Variants in PCBP2 observed in about 807,000 individuals in gnomAD.
PCBP2 encodes poly(rC)-binding protein 2.
In PCBP2, 4 loss-of-function variants were observed where a neutral mutation model predicts 50.1. The observed-to-expected ratio is 0.08, with a 90% CI of 0.04 to 0.18. PCBP2 has a LOEUF of 0.18. Among genes scored for constraint, PCBP2 ranks in the 10% least tolerant of loss-of-function variants. PCBP2 has a pLI of 1.00. For synonymous variants in PCBP2, 179 were observed against 168.0 expected (o/e 1.07, Z -0.51); for missense variants, 161 against 474.3 (o/e 0.34, Z 6.14).
intron 10 of PCBP2, among the ~76,000 whole-genome samples, chr12:53,466,348 G>A (rs1299538290): frequency 1.3e-5 from 2 of 152,154 alleles, no homozygotes; most frequent in African/African-American, 4.8e-5. Context: ...GGTAATGGGA[G>A]GTTGGGTTTG....
intron 1 of PCBP2, among the ~76,000 whole-genome samples, chr12:53,453,677 A>C (rs1940755326): frequency 6.6e-6 from 1 of 152,182 alleles, no homozygotes; most frequent in South Asian, 2.1e-4. Context: ...GGATACTTAA[A>C]ATGTCATTGG....
chr12:53,460,655 A>T lies in PCBP2; in HGVS notation c.376-360A>T, dbSNP rs75759803. The T allele has an allele frequency of 1.4e-4, 33 of 233,778 alleles. No homozygotes were observed. The East Asian group carries it at 3.7e-3, about 26-fold the overall frequency. 14.5% of individuals were successfully genotyped at this position (233,778 alleles called of 1,614,324 possible). ...GTACCTGGCACATAGAATGGCCTTG[A>T]TGTAAATATTTTTTCAGTAACATAA... is the stretch of plus-strand genomic sequence containing the variant. On this transcript the variant is annotated intron_variant, in intron 6 of 14. Transcript: ENST00000546463.
intron 1 of PCBP2, chr12:53,453,103 T>C (rs1940702231): frequency 6.6e-6 from 1 of 152,020 alleles, no homozygotes. Flanking sequence ...CTTGACCTAG[T>C]CAGGAGGGAA....
chr12:53,461,892 A>C (rs1052150943), intron 7 of PCBP2, among the ~76,000 whole-genome samples: 2 of 151,984 alleles, frequency 1.3e-5, no homozygotes, highest in Non-Finnish European at 2.9e-5. Flanking sequence ...TATTTTTTGT[A>C]GAGACGGGAT....
intron 13 of PCBP2, among the ~76,000 whole-genome samples, chr12:53,470,444 G>A (rs1043886225): frequency 7.1e-5 from 10 of 141,688 alleles, no homozygotes; most frequent in South Asian, 2.4e-4. Context: ...TCCCTCTGTT[G>A]CCCAGGCTGG....
At chr12:53,474,680 TATAC>T (rs1041751482) in intron 14 of PCBP2, among the ~76,000 whole-genome samples, 1 of 152,166 alleles carries the variant, frequency 6.6e-6, no homozygotes, top group Non-Finnish European at 1.5e-5. Context: ...GGAATGGAAA[TATAC>T]ATATTTAGAG....
At chr12:53,461,286 A>G in intron 7 of PCBP2, 143 bp downstream of exon 7, 1 of 857,072 alleles carries the variant, frequency 1.2e-6, no homozygotes, top group South Asian at 1.8e-5. Flanking sequence ...CTGAGTTCAT[A>G]TTTTCCTTCC....
In PCBP2 at chr12:53,464,605, T is replaced by A. The variant is rs991443906; in HGVS notation, c.580-155T>A. 1.5e-4 allele frequency: 160 copies of A among 1,054,024 alleles called. 1 individual carries two copies. The highest frequency in any genetic ancestry group is 8.4e-4 in the South Asian group (52 of 62,108). 65.3% of individuals were successfully genotyped at this position (1,054,024 alleles called of 1,614,324 possible). A position where few individuals can be genotyped will look rare whatever the true frequency, so the allele number is the denominator to read the frequency against. On this transcript the variant is annotated intron_variant, in intron 8 of 14. Coordinates refer to ENST00000546463, the MANE Select transcript of PCBP2 (RefSeq NM_031989.5). ...TCTGCCACTAGGTAACTTTTTTTTT[T>A]AATTCACTGATTACAGCTCGTTTCA...
Position 53,454,863 on chromosome 12 carries a change from T to C in PCBP2, c.63T>C (p.His21=), listed in dbSNP as rs754964438. The part of the protein sequence containing the change: ...NVTLTIRLLM[H]GKEVGSIIGK... ...CTCTCACCATCCGGCTACTTATGCA[T>C]GGAAAGGTATGCTCTAGCTTGGGAA... The change falls in exon 2 of 15, where the codon CAT becomes CAC. Residue 21 remains histidine, a synonymous_variant. Transcript: ENST00000546463. 4 of 1,613,766 alleles carry C rather than the reference T, an allele frequency of 2.5e-6. No homozygotes were observed. Among genetic ancestry groups the C allele is most frequent in the South Asian group, 2.2e-5 (2 of 91,076 alleles).
chr12:53,462,233 A>G (rs1456130227), intron 7 of PCBP2, among the ~76,000 whole-genome samples: 1 of 152,360 alleles, frequency 6.6e-6, no homozygotes, highest in Middle Eastern at 3.4e-3. Context: ...AAAATTTTGG[A>G]AATAGTGCCG....
chr12:53,474,346 C>G (rs981976831), intron 14 of PCBP2, among the ~76,000 whole-genome samples: 7 of 152,178 alleles, frequency 4.6e-5, no homozygotes, highest in Admixed American at 2.0e-4. Flanking sequence ...CTCTTTCCAC[C>G]CTGATACTGG....
At position 53,471,460 on chromosome 12, in the gene PCBP2, CCTG is replaced by C. The variant is rs547894353; in HGVS notation, c.883-174_883-172del. Among the ~76,000 whole-genome samples, 43 of 150,028 alleles carry C rather than the reference CCTG, an allele frequency of 2.9e-4. No individual in the cohort carries two copies. The South Asian group carries it at 9.1e-3, about 32-fold the overall frequency. ...GGGCATGGTGGCATGCGCCTGTAGTCCTGCTGAGGCAGGTGAATTGCTCAAATC... is the reference window on the plus strand; with the variant it reads ...GGGCATGGTGGCATGCGCCTGTAGTCCTGAGGCAGGTGAATTGCTCAAATC... On this transcript the variant is annotated intron_variant, in intron 13 of 14. Coordinates refer to ENST00000546463, the MANE Select transcript of PCBP2 (RefSeq NM_031989.5).
chr12:53,475,047 G>A (rs1400871338), intron 14 of PCBP2: 4 of 455,984 alleles, frequency 8.8e-6, no homozygotes, highest in Non-Finnish European at 1.8e-5. Context: ...TCTTCCGACC[G>A]CCCCTTGTGT....
chr12:53,473,785 AT>A (rs917733877), intron 14 of PCBP2, among the ~76,000 whole-genome samples: 3 of 143,522 alleles, frequency 2.1e-5, no homozygotes, highest in Non-Finnish European at 3.1e-5. Context: ...TTCCTTTCTC[AT>A]TTTTTTTAAG....
At chr12:53,470,412 CTTTT>C (rs796803021) in intron 13 of PCBP2, among the ~76,000 whole-genome samples, 1 of 117,038 alleles carries the variant, frequency 8.5e-6, no homozygotes, top group Non-Finnish European at 1.8e-5. Flanking sequence ...AGTGTAGTGG[CTTTT>C]TTTTTTGACA....
At chr12:53,460,665 T>A (rs547796619) in intron 6 of PCBP2, 2 of 233,954 alleles carry the variant, frequency 8.5e-6, no homozygotes, top group Non-Finnish European at 8.7e-6. Flanking sequence ...ATGTAAATAT[T>A]TTTTCAGTAA....
chr12:53,463,786 G>C (rs1207656894), intron 8 of PCBP2, among the ~76,000 whole-genome samples: 2 of 152,160 alleles, frequency 1.3e-5, no homozygotes, highest in East Asian at 3.8e-4. Context: ...TTCCCACTTG[G>C]GGCTGGTCTG....
Position 53,479,852 on chromosome 12 carries a change from C to T in PCBP2, c.*410C>T, listed in dbSNP as rs1263905656. On this transcript the variant is annotated 3_prime_UTR_variant, in exon 15 of 15. Coordinates refer to ENST00000546463, the MANE Select transcript of PCBP2 (RefSeq NM_031989.5). Reference sequence around the variant, plus strand: ...ACAGTGATTCATGTGGGTTTTATTCCTCTTGTCTTGCTGTTATTTTTGTAC... The same window carrying T: ...ACAGTGATTCATGTGGGTTTTATTCTTCTTGTCTTGCTGTTATTTTTGTAC... The T allele has an allele frequency of 1.9e-5, 3 of 156,204 alleles. No individual in the cohort carries two copies. The highest frequency in any genetic ancestry group is 4.8e-5 in the African/African-American group (2 of 41,482). 9.7% of individuals were successfully genotyped at this position (156,204 alleles called of 1,614,324 possible). A position where few individuals can be genotyped will look rare whatever the true frequency, so the allele number is the denominator to read the frequency against.
intron 13 of PCBP2, among the ~76,000 whole-genome samples, chr12:53,469,618 T>C (rs1202340185): frequency 6.6e-6 from 1 of 152,022 alleles, no homozygotes; most frequent in East Asian, 1.9e-4. Context: ...CCCAGCTATT[T>C]GGGAGGCTAA....
Sources: gnomAD v4.1 joint callset for allele counts (sites outside exome capture counted in the v4.1 genomes callset) on GRCh38, gnomAD v4.1.1 for gene constraint, MANE v1.5 for transcripts, NCBI Gene and HGNC (gene_info 2026-07-23, HGNC 2026-07-21) for gene names.